Variants in ADAM18 observed in about 807,000 individuals in gnomAD.
The protein encoded by ADAM18 is disintegrin and metalloproteinase domain-containing protein 18.
Under a neutral mutation model 94.4 loss-of-function variants are expected in ADAM18, and 117 were observed. The observed-to-expected ratio is 1.24, with a 90% CI of 1.07 to 1.45. The LOEUF is 1.45. Ranked by LOEUF, ADAM18 falls within the 40% of genes most tolerant of loss-of-function variation. The probability of loss-of-function intolerance (pLI) is 0.00; values close to 1 mark genes in which losing one functional copy is unlikely to be tolerated. For missense variants in ADAM18, 936 were observed against 880.0 expected (o/e 1.06, Z -0.81); for synonymous variants, 327 against 291.6 (o/e 1.12, Z -1.24).
At chr8:39,657,454 G>A (rs889117042) in intron 12 of ADAM18, among the ~76,000 whole-genome samples, 4 of 152,072 alleles carry the variant, frequency 2.6e-5, no homozygotes, top group African/African-American at 9.7e-5. Context: ...CAGGATTACA[G>A]GTGCCCACCA....
intron 2 of ADAM18, among the ~76,000 whole-genome samples, chr8:39,601,029 G>T (rs1818886862): frequency 6.6e-6 from 1 of 152,176 alleles, no homozygotes; most frequent in Non-Finnish European, 1.5e-5. Context: ...CAGTCATGGT[G>T]GAAGGGGAAG....
intron 2 of ADAM18, among the ~76,000 whole-genome samples, chr8:39,585,559 A>C (rs1418530159): frequency 6.6e-6 from 1 of 152,094 alleles, no homozygotes; most frequent in Non-Finnish European, 1.5e-5. Flanking sequence ...TCTCTTCTTA[A>C]CATACTACTT....
intron 17 of ADAM18, among the ~76,000 whole-genome samples, chr8:39,696,765 G>A (rs968750477): frequency 9.9e-5 from 15 of 151,378 alleles, no homozygotes; most frequent in African/African-American, 3.4e-4. Context: ...TCATTATTGT[G>A]GCTTTGCAGG....
At chr8:39,658,506 T>C (rs1820746724) in intron 12 of ADAM18, among the ~76,000 whole-genome samples, 1 of 152,182 alleles carries the variant, frequency 6.6e-6, no homozygotes, top group Non-Finnish European at 1.5e-5. Context: ...AGTGGCCTTC[T>C]ATGAGCTGAA....
chr8:39,699,245 A>G (rs972656199), intron 17 of ADAM18, among the ~76,000 whole-genome samples: 1 of 152,136 alleles, frequency 6.6e-6, no homozygotes, highest in Admixed American at 6.6e-5. Flanking sequence ...TAGTAATTGC[A>G]TGTTGAATTA....
chr8:39,631,703 A>G (rs549473478), intron 7 of ADAM18, among the ~76,000 whole-genome samples: 1 of 152,020 alleles, frequency 6.6e-6, no homozygotes, highest in African/African-American at 2.4e-5. Flanking sequence ...AAATTTTCCA[A>G]AAATACTGTA....
At chr8:39,653,473 G>T (rs1193039578) in intron 12 of ADAM18, among the ~76,000 whole-genome samples, 1 of 151,942 alleles carries the variant, frequency 6.6e-6, no homozygotes, top group Non-Finnish European at 1.5e-5. Flanking sequence ...ACCAACATAA[G>T]TCAATATTAA....
Position 39,700,056 on chromosome 8 carries a change from T to C in ADAM18, c.1903-6734T>C, listed in dbSNP as rs983862592. 3.9e-5 allele frequency among the ~76,000 whole-genome samples: 6 copies of C among 152,186 alleles called. No individual in the cohort carries two copies. The East Asian group carries it at 9.6e-4, about 24-fold the overall frequency. On this transcript the variant is annotated intron_variant, in intron 17 of 19. Coordinates refer to ENST00000265707, the MANE Select transcript of ADAM18 (RefSeq NM_014237.3). ...GGACTGAATTGGCCAGAATATTCTA[T>C]CTGTGTGTGATTTATGCCACTTTGA...
chr8:39,610,063 C>T (rs1156756817), intron 5 of ADAM18, among the ~76,000 whole-genome samples: 1 of 152,074 alleles, frequency 6.6e-6, no homozygotes, highest in Non-Finnish European at 1.5e-5. Context: ...AATGCTCCCT[C>T]TAACTTTCCT....
At chr8:39,599,368 G>A (rs2129458247) in intron 2 of ADAM18, among the ~76,000 whole-genome samples, 1 of 152,170 alleles carries the variant, frequency 6.6e-6, no homozygotes, top group Non-Finnish European at 1.5e-5. Context: ...TTTTCATCTA[G>A]CTTTATAGAA....
chr8:39,592,716 A>T (rs568661171), intron 2 of ADAM18, among the ~76,000 whole-genome samples: 1 of 152,218 alleles, frequency 6.6e-6, no homozygotes, highest in Non-Finnish European at 1.5e-5. Context: ...CAGAATACCT[A>T]CTGGGAACAA....
intron 2 of ADAM18, among the ~76,000 whole-genome samples, chr8:39,604,957 A>T (rs1342419088): frequency 1.3e-5 from 2 of 152,008 alleles, no homozygotes; most frequent in African/African-American, 2.4e-5. Flanking sequence ...TGGAGTGGAG[A>T]TTGTGTCAGA....
intron 6 of ADAM18, 130 bp from the exon 7 acceptor site, chr8:39,629,244 A>C: frequency 1.6e-6 from 1 of 631,458 alleles, no homozygotes; most frequent in Non-Finnish European, 2.7e-6. Context: ...TCTACATCAG[A>C]ATTAATTTTT....
At chr8:39,622,878 A>G (rs1373203165) in intron 6 of ADAM18, among the ~76,000 whole-genome samples, 1 of 152,064 alleles carries the variant, frequency 6.6e-6, no homozygotes, top group Non-Finnish European at 1.5e-5. Flanking sequence ...ATATTTATAT[A>G]TATATTTTTT....
intron 6 of ADAM18, among the ~76,000 whole-genome samples, chr8:39,613,950 T>C (rs924539200): frequency 6.6e-6 from 1 of 151,968 alleles, no homozygotes; most frequent in Admixed American, 6.6e-5. Flanking sequence ...AAAGAATGAA[T>C]AAAACCTCTG....
intron 10 of ADAM18, among the ~76,000 whole-genome samples, chr8:39,639,702 T>G (rs909145081): frequency 6.6e-6 from 1 of 152,078 alleles, no homozygotes; most frequent in Non-Finnish European, 1.5e-5. Flanking sequence ...TTGTTCTTCC[T>G]AAATTTAATA....
chr8:39,639,724 T>C (rs1820182496), intron 10 of ADAM18, among the ~76,000 whole-genome samples: 1 of 152,060 alleles, frequency 6.6e-6, no homozygotes, highest in South Asian at 2.1e-4. Context: ...TTGCATTATA[T>C]TGATTTGCAC....
rs150252807 is a variant in ADAM18, at chr8:39,633,193, A to G, written c.588+3754A>G. ...TTCTTTACAAACTACCCAATCTGTC[A>G]TATTCTGTCATAGCAGCACAAATGG... is the stretch of plus-strand genomic sequence containing the variant. On this transcript the variant is annotated intron_variant, in intron 7 of 19. Coordinates refer to ENST00000265707, the MANE Select transcript of ADAM18 (RefSeq NM_014237.3). 7.9e-4 allele frequency among the ~76,000 whole-genome samples: 120 copies of G among 152,312 alleles called. 2 individuals carry two copies. In the East Asian group the frequency reaches 0.021, roughly 27 times the overall value.
intron 10 of ADAM18, among the ~76,000 whole-genome samples, chr8:39,644,871 A>G (rs903947187): frequency 6.6e-6 from 1 of 152,192 alleles, no homozygotes; most frequent in African/African-American, 2.4e-5. Context: ...CTATTTTTAC[A>G]TAGAAAGTTT....
Sources: gnomAD v4.1 joint callset for allele counts (sites outside exome capture counted in the v4.1 genomes callset) on GRCh38, gnomAD v4.1.1 for gene constraint, MANE v1.5 for transcripts, NCBI Gene and HGNC (gene_info 2026-07-23, HGNC 2026-07-21) for gene names.